The following AFF3 variants were observed in gnomAD, a reference collection of about 807,000 sequenced individuals.
AFF3 encodes the protein AF4/FMR2 family member 3.
In AFF3, 32 loss-of-function variants were observed where a neutral mutation model predicts 129.7. The ratio of observed to expected loss-of-function variants is 0.25; its 90% CI spans 0.19 to 0.33. The LOEUF (loss-of-function observed/expected upper bound fraction) is 0.33. Ranked by LOEUF, AFF3 falls within the 10% of genes least tolerant of loss-of-function variation. The pLI is 1.00. For missense variants in AFF3, 1,373 were observed against 1,592.0 expected, an observed-to-expected ratio of 0.86 and a Z score of 2.34; for synonymous variants, 644 against 635.4, an observed-to-expected ratio of 1.01 and a Z score of -0.20.
intron 7 of AFF3, among the ~76,000 whole-genome samples, chr2:99,907,715 T>C (rs931029385): frequency 1.3e-5 from 2 of 152,156 alleles, no homozygotes; most frequent in African/African-American, 4.8e-5. Flanking sequence ...CCCAGCTTAC[T>C]GCAACCTCCG....
chr2:99,586,798 G>A (rs1353543241), intron 16 of AFF3, among the ~76,000 whole-genome samples: 1 of 152,090 alleles, frequency 6.6e-6, no homozygotes, highest in Admixed American at 6.6e-5. Context: ...GTATTTCTTC[G>A]TCTGTGTAAT....
intron 12 of AFF3, among the ~76,000 whole-genome samples, chr2:99,656,187 C>T (rs1356566231): frequency 2.0e-5 from 3 of 152,188 alleles, no homozygotes; most frequent in Non-Finnish European, 2.9e-5. Context: ...AAGTAAGAAA[C>T]ATCAATAACA....
At chr2:99,663,631 G>T (rs1686431302) in intron 12 of AFF3, among the ~76,000 whole-genome samples, 1 of 152,168 alleles carries the variant, frequency 6.6e-6, no homozygotes, top group African/African-American at 2.4e-5. Context: ...TCCAATGATT[G>T]TTGTCTGTAA....
At position 99,932,522 on chromosome 2, in the gene AFF3, C is replaced by A. The variant is rs148947049; in HGVS notation, c.873+74110G>T. Among the ~76,000 whole-genome samples the A allele has an allele frequency of 3.6e-4, 55 of 152,294 alleles. No homozygotes were observed. The East Asian group carries it at 9.5e-3, about 26-fold the overall frequency. On this transcript the variant is annotated intron_variant, in intron 7 of 24. Coordinates refer to ENST00000672756, the MANE Select transcript of AFF3 (RefSeq NM_001386135.1). ...CCATCAGTGCAAATGGCCTTCCCCACACTACATCGACCACTTCCCCACAGC... is the reference window on the plus strand; with the variant it reads ...CCATCAGTGCAAATGGCCTTCCCCAAACTACATCGACCACTTCCCCACAGC...
chr2:99,554,190 G>T, intron 24 of AFF3, 121 bp downstream of exon 24: 1 of 1,062,070 alleles, frequency 9.4e-7, no homozygotes, highest in Non-Finnish European at 1.4e-6. Flanking sequence ...CTGATATAAT[G>T]TCAAATGAAG....
At position 99,551,189 on chromosome 2, in the gene AFF3, C is replaced by A; in HGVS notation, c.*285G>T. 1 of 534,996 alleles carries A rather than the reference C, an allele frequency of 1.9e-6. No homozygotes were observed. The highest frequency in any genetic ancestry group is 3.1e-5 in the South Asian group (1 of 32,290). 33.1% of individuals were successfully genotyped at this position (534,996 alleles called of 1,614,324 possible). ...GTGTGTGTGTGTGTGTGTGTACTTCCTCTAGTCAGAAACCTCTGATCACTT... is the reference window on the plus strand; with the variant it reads ...GTGTGTGTGTGTGTGTGTGTACTTCATCTAGTCAGAAACCTCTGATCACTT... On this transcript the variant is annotated 3_prime_UTR_variant, in exon 25 of 25. Coordinates refer to ENST00000672756, the MANE Select transcript of AFF3 (RefSeq NM_001386135.1).
chr2:99,866,013 T>C (rs1440239573), intron 7 of AFF3, among the ~76,000 whole-genome samples: 1 of 152,248 alleles, frequency 6.6e-6, no homozygotes, highest in East Asian at 1.9e-4. Flanking sequence ...AGGAAAACTT[T>C]CGCAATACTC....
intron 4 of AFF3, among the ~76,000 whole-genome samples, chr2:100,052,089 A>C (rs900030814): frequency 1.3e-5 from 2 of 152,250 alleles, no homozygotes; most frequent in South Asian, 4.1e-4. Context: ...AACAGACCTG[A>C]GCTTGCTGTA....
rs762826639 is a variant in AFF3, at chr2:99,672,599, G to T, written c.1092-10C>A. On this transcript the variant is annotated splice_polypyrimidine_tract_variant and intron_variant, in intron 11 of 24. Transcript: ENST00000672756. ...GTCATCTTCCAGCATTCTGAAAGAA[G>T]GAACAAAGAGGTACAAAGAGGTACA... 1 of 1,613,660 alleles carries T rather than the reference G, an allele frequency of 6.2e-7. No individual in the cohort carries two copies. The highest frequency in any genetic ancestry group is 8.5e-7 in the Non-Finnish European group (1 of 1,179,624).
chr2:99,795,314 C>T (rs1685483380), intron 8 of AFF3, among the ~76,000 whole-genome samples: 2 of 152,008 alleles, frequency 1.3e-5, no homozygotes, highest in Admixed American at 1.3e-4. Flanking sequence ...GATAGTCTCA[C>T]TTATAAGTGG....
chr2:99,720,203 G>A (rs1678769373), intron 11 of AFF3, among the ~76,000 whole-genome samples: 1 of 152,136 alleles, frequency 6.6e-6, no homozygotes, highest in African/African-American at 2.4e-5. Context: ...CAAATCTCAT[G>A]TTGGAATTTG....
At chr2:99,769,159 T>C (rs1345598528) in intron 8 of AFF3, among the ~76,000 whole-genome samples, 1 of 152,236 alleles carries the variant, frequency 6.6e-6, no homozygotes, top group Non-Finnish European at 1.5e-5. Flanking sequence ...CTACATCTTA[T>C]ACCTGTGCCT....
chr2:99,954,668 A>T (rs1241044917), intron 7 of AFF3, among the ~76,000 whole-genome samples: 1 of 150,880 alleles, frequency 6.6e-6, no homozygotes, highest in Non-Finnish European at 1.5e-5. Flanking sequence ...CGCAAGAACA[A>T]AAAACCAAAC....
chr2:99,617,539 GTTGT>G (rs1363623378), intron 13 of AFF3, among the ~76,000 whole-genome samples: 1 of 152,108 alleles, frequency 6.6e-6, no homozygotes, highest in African/African-American at 2.4e-5. Context: ...CTGGATACAA[GTTGT>G]TTATCTGATA....
At chr2:99,583,081 C>A in intron 16 of AFF3, 82 bp from the exon 17 acceptor site, 1 of 1,262,752 alleles carries the variant, frequency 7.9e-7, no homozygotes, top group Non-Finnish European at 1.1e-6. Context: ...CCAAACCACC[C>A]AACTGGGACC....
chr2:99,630,588 A>G (rs1367320090), intron 13 of AFF3: 2 of 152,740 alleles, frequency 1.3e-5, no homozygotes, highest in East Asian at 3.8e-4. Flanking sequence ...TAATTTATAA[A>G]GAAACAAATT....
intron 13 of AFF3, among the ~76,000 whole-genome samples, chr2:99,615,552 T>G (rs1681337429): frequency 6.6e-6 from 1 of 152,236 alleles, no homozygotes; most frequent in Non-Finnish European, 1.5e-5. Context: ...CCATGTGGCC[T>G]GGGCCCAGCC....
intron 11 of AFF3, 113 bp downstream of exon 11, chr2:99,726,964 A>G (rs1679409334): frequency 1.6e-5 from 15 of 941,296 alleles, no homozygotes; most frequent in South Asian, 1.8e-5. Context: ...AGAAAAGAGA[A>G]CCATGGGCTT....
intron 18 of AFF3, among the ~76,000 whole-genome samples, chr2:99,574,464 T>C (rs1676799696): frequency 1.3e-5 from 2 of 152,146 alleles, no homozygotes; most frequent in South Asian, 4.1e-4. Context: ...GATTTTTTGG[T>C]AAGTAACCTA....
Sources: allele counts gnomAD v4.1 joint callset (sites outside exome capture counted in the v4.1 genomes callset), GRCh38; gene constraint gnomAD v4.1.1; transcripts MANE v1.5; gene names NCBI Gene and HGNC (gene_info 2026-07-23, HGNC 2026-07-21).